FREM3: variants seen among roughly 807,000 people sequenced by gnomAD.
FREM3 encodes FRAS1-related extracellular matrix protein 3.
A neutral mutation model predicts 129.1 loss-of-function variants in FREM3; 105 were observed. That is an observed-to-expected ratio of 0.81 (90% confidence interval 0.69 to 0.96). The LOEUF (loss-of-function observed/expected upper bound fraction) is 0.96. FREM3 is among the 40% of genes least tolerant of loss of function. The pLI, the probability that FREM3 is intolerant of heterozygous loss-of-function variation, is 0.00. For missense variants in FREM3, 2,593 were observed against 2,666.3 expected (o/e 0.97, Z 0.61); for synonymous variants, 1,014 against 1,044.9 (o/e 0.97, Z 0.57).
Position 143,696,275 on chromosome 4 carries a change from A to T in FREM3, c.4401T>A (p.Ala1467=). 1 of 1,537,682 alleles carries T rather than the reference A, an allele frequency of 6.5e-7. No homozygotes were observed. The highest frequency in any genetic ancestry group is 2.4e-5 in the East Asian group (1 of 40,916). The change falls in exon 1 of 8, where the codon GCT becomes GCA. Residue 1467 remains alanine (A), a synonymous_variant. Transcript: ENST00000329798. ...SDEHHFSITR[A]PSLGHLESSD... The stretch of plus-strand genomic sequence containing the variant: ...AACTTTCTAAGTGACCCAGGCTTGG[A>T]GCCCGTGTAATGCTAAAGTGATGTT...
chr4:143,677,241 C>G (rs1296737386), intron 2 of FREM3, among the ~76,000 whole-genome samples: 1 of 152,046 alleles, frequency 6.6e-6, no homozygotes, highest in African/African-American at 2.4e-5. Context: ...TAATACCACA[C>G]ATCTACAACT....
Position 143,699,429 on chromosome 4 carries a change from G to T in FREM3, c.1247C>A (p.Ser416Ter). The stretch of plus-strand genomic sequence containing the variant: ...TGTCACCATGAAGGCAAAGGGGTCT[G>T]AGGCGGCGCCGTCTCCGTCCACCAC... ...LEVVDGDGAA[S>*]DPFAFMVTVK... is the part of the protein sequence containing the mutation. Residue 416 changes from serine to a stop codon, truncating the protein, a stop_gained, in exon 1 of 8, where the codon TCA becomes TAA. Transcript: ENST00000329798. LOFTEE classifies it high-confidence loss of function. The surrounding 1 kb of genome is among the most constrained non-coding windows in gnomAD (Gnocchi z 4.2). The T allele has an allele frequency of 6.5e-7, 1 of 1,537,340 alleles. No individual in the cohort carries two copies. The highest frequency in any genetic ancestry group is 8.7e-7 in the Non-Finnish European group (1 of 1,146,940).
At chr4:143,643,167 A>G (rs2149846647) in intron 2 of FREM3, among the ~76,000 whole-genome samples, 1 of 152,298 alleles carries the variant, frequency 6.6e-6, no homozygotes, top group African/African-American at 2.4e-5. Context: ...TGCTGGTAGG[A>G]ATATAAAGTA....
intron 3 of FREM3, among the ~76,000 whole-genome samples, chr4:143,625,921 C>G (rs1739030098): frequency 6.6e-6 from 1 of 152,204 alleles, no homozygotes; most frequent in African/African-American, 2.4e-5. Flanking sequence ...GAATTCCCCT[C>G]AAACACATCG....
intron 6 of FREM3, among the ~76,000 whole-genome samples, chr4:143,588,999 G>C (rs948862397): frequency 1.3e-4 from 20 of 152,154 alleles, no homozygotes; most frequent in Admixed American, 7.9e-4. Flanking sequence ...GGCCAGTGAT[G>C]ATGAGCATTT....
intron 2 of FREM3, among the ~76,000 whole-genome samples, chr4:143,663,259 G>T (rs963416923): frequency 1.3e-5 from 2 of 152,074 alleles, no homozygotes; most frequent in African/African-American, 4.8e-5. Context: ...TCCTTCAGGA[G>T]CTCTTTTAGG....
chr4:143,695,493 T>G lies in FREM3; in HGVS notation c.5183A>C (p.Gln1728Pro), dbSNP rs1008558439. ...LGNQSTRVFT[Q>P]ADIDEMKISY... ...GGCAGGGAAGAATACATACTAACCT[T>G]GTGTAAACACTCGAGTGCTCTGGTT... The change falls in exon 1 of 8, where the codon CAA becomes CCA. Residue 1728 changes from glutamine (Q) to proline (P), a missense_variant and splice_region_variant. Physicochemically the swap from Gln to Pro is moderately conservative, Grantham distance 76. Coordinates refer to ENST00000329798, the MANE Select transcript of FREM3 (RefSeq NM_001168235.2). The G allele has an allele frequency of 6.5e-7, 1 of 1,536,126 alleles. No individual in the cohort carries two copies. Among genetic ancestry groups the G allele is most frequent in the African/African-American group, 1.4e-5 (1 of 72,956 alleles).
chr4:143,619,512 T>C (rs1738910078), intron 5 of FREM3, among the ~76,000 whole-genome samples: 1 of 152,124 alleles, frequency 6.6e-6, no homozygotes, highest in South Asian at 2.1e-4. Context: ...TCGTGTGCCA[T>C]TGTGGTATTT....
In FREM3 at chr4:143,696,946, G is replaced by A; in HGVS notation, c.3730C>T (p.Gln1244Ter). Residue 1244 changes from glutamine to a stop codon, truncating the protein, a stop_gained, in exon 1 of 8, where the codon CAG (glutamine) becomes TAG (stop). Coordinates refer to ENST00000329798, the MANE Select transcript of FREM3 (RefSeq NM_001168235.2). LOFTEE classifies it high-confidence loss of function. ...ALPRHGRIIQ[Q>*]LATGSQPIHS... Reference sequence around the variant, plus strand: ...ATGGGCTGGCTGCCTGTAGCCAGCTGCTGTATGATTCGTCCATGCCGAGGG... The same window carrying A: ...ATGGGCTGGCTGCCTGTAGCCAGCTACTGTATGATTCGTCCATGCCGAGGG... 6.5e-7 allele frequency: 1 copy of A among 1,537,716 alleles called. No individual in the cohort carries two copies.
At chr4:143,688,675 G>A (rs1740411276) in intron 2 of FREM3, among the ~76,000 whole-genome samples, 1 of 152,042 alleles carries the variant, frequency 6.6e-6, no homozygotes, top group Non-Finnish European at 1.5e-5. Context: ...ACAAAAATAG[G>A]CACATAGACC....
rs770793745 is a variant in FREM3, at chr4:143,697,234, G to A, written c.3442C>T (p.His1148Tyr). 3.9e-5 allele frequency: 60 copies of A among 1,537,418 alleles called. No homozygotes were observed. Among genetic ancestry groups the A allele is most frequent in the South Asian group, 1.1e-4 (9 of 84,050 alleles). The change falls in exon 1 of 8, where the codon CAT becomes TAT. Residue 1148 changes from histidine (H) to tyrosine (Y), a missense_variant. Physicochemically the swap from His to Tyr is moderately conservative, Grantham distance 83. Transcript: ENST00000329798. ...AFSLRDIQVR[H>Y]INYVQSIHKG... is the part of the protein sequence containing the mutation. ...TGAATACTCTGTACATAATTGATATGCCTCACTTGGATATCTCTGAGGGAG... is the reference window on the plus strand; with the variant it reads ...TGAATACTCTGTACATAATTGATATACCTCACTTGGATATCTCTGAGGGAG...
At chr4:143,687,187 A>T (rs1740385642) in intron 2 of FREM3, among the ~76,000 whole-genome samples, 1 of 152,178 alleles carries the variant, frequency 6.6e-6, no homozygotes, top group Non-Finnish European at 1.5e-5. Flanking sequence ...CAACACTGAA[A>T]TACAAAAGAG....
At chr4:143,678,283 T>C (rs1740183407) in intron 2 of FREM3, among the ~76,000 whole-genome samples, 2 of 151,728 alleles carry the variant, frequency 1.3e-5, no homozygotes, top group African/African-American at 4.8e-5. Context: ...AGCAAACTAT[T>C]GCAAGGACAA....
chr4:143,590,083 A>T (rs949185148), intron 6 of FREM3, among the ~76,000 whole-genome samples: 2 of 151,972 alleles, frequency 1.3e-5, no homozygotes, highest in Admixed American at 6.6e-5. Flanking sequence ...TTGCACATTG[A>T]TTTTGTATCC....
At chr4:143,688,744 C>T (rs1244890281) in intron 2 of FREM3, among the ~76,000 whole-genome samples, 5 of 152,034 alleles carry the variant, frequency 3.3e-5, no homozygotes, top group African/African-American at 9.7e-5. Flanking sequence ...AACTGATCTT[C>T]GACAAGGCAA....
Position 143,699,981 on chromosome 4 carries a change from GC to G in FREM3, c.694del (p.Ala232ProfsTer9). Reference sequence around the variant, plus strand: ...TACGCCCTTGCCCCTGGGGAGAGGGGCCCCCACCGCGTCCACCAAGCGCCCG... The same window carrying G: ...TACGCCCTTGCCCCTGGGGAGAGGGGCCCCACCGCGTCCACCAAGCGCCCG... ...KYGRLVDAVGAPLPRGKGVDC... is the reference protein window; with the variant it reads ...KYGRLVDAVGXPLPRGKGVDC... On this transcript the variant is annotated frameshift_variant, in exon 1 of 8. Transcript: ENST00000329798. LOFTEE classifies it high-confidence loss of function. This position sits in a 1 kb window ranked among gnomAD's most constrained non-coding sequence, Gnocchi z 4.2. 2 of 1,502,240 alleles carry G rather than the reference GC, an allele frequency of 1.3e-6. No individual in the cohort carries two copies. Among genetic ancestry groups the G allele is most frequent in the Non-Finnish European group, 1.8e-6 (2 of 1,127,320 alleles). The allele number at this position is 1,502,240 out of a possible 1,614,324, so 93.1% of individuals were successfully genotyped here. A position where few individuals can be genotyped will look rare whatever the true frequency, so the allele number is the denominator to read the frequency against.
chr4:143,613,593 C>T (rs925447197), intron 5 of FREM3, among the ~76,000 whole-genome samples: 3 of 151,850 alleles, frequency 2.0e-5, no homozygotes, highest in Admixed American at 2.0e-4. Flanking sequence ...GGCACACAGA[C>T]AAAGGAAAAA....
intron 2 of FREM3, among the ~76,000 whole-genome samples, chr4:143,688,503 T>G (rs1194628101): frequency 6.6e-6 from 1 of 152,022 alleles, no homozygotes; most frequent in African/African-American, 2.4e-5. Flanking sequence ...CCATAATTAT[T>G]CACAGAATTA....
intron 2 of FREM3, among the ~76,000 whole-genome samples, chr4:143,655,257 G>A (rs947572053): frequency 2.6e-5 from 4 of 152,130 alleles, no homozygotes; most frequent in Non-Finnish European, 2.9e-5. Flanking sequence ...TTTAAAGCAC[G>A]AAAGGTGAAA....
Sources: gnomAD v4.1 joint callset for allele counts (sites outside exome capture counted in the v4.1 genomes callset) on GRCh38, gnomAD v4.1.1 for gene constraint, Gnocchi (gnomAD v3.1) non-coding constraint, MANE v1.5 for transcripts, NCBI Gene and HGNC (gene_info 2026-07-23, HGNC 2026-07-21) for gene names.